ISM2: variants seen among roughly 807,000 people sequenced by gnomAD.
ISM2 encodes the protein isthmin 2, also known as isthmin-2.
In ISM2, 50 loss-of-function variants were observed where a neutral mutation model predicts 58.0. That is an observed-to-expected ratio of 0.86 (90% CI 0.69 to 1.09). ISM2 has a LOEUF of 1.09. ISM2 is among the 50% of genes least tolerant of loss of function. The probability of loss-of-function intolerance (pLI) is 0.00; values close to 1 mark genes in which losing one functional copy is unlikely to be tolerated. For missense variants in ISM2, 723 were observed against 745.0 expected (o/e 0.97, Z 0.34); for synonymous variants, 303 against 312.4 (o/e 0.97, Z 0.32).
intron 3 of ISM2, chr14:77,484,064 G>A (rs2079150371): frequency 2.5e-6 from 1 of 405,136 alleles, no homozygotes; most frequent in Non-Finnish European, 4.4e-6. Flanking sequence ...CTGGGTTGGT[G>A]CTGTTTGTCT....
rs568314200 is a variant in ISM2, at chr14:77,498,305, G to A, written c.141+348C>T. 376 of 1,355,064 alleles carry A rather than the reference G, an allele frequency of 2.8e-4. 1 individual carries two copies. Among genetic ancestry groups the A allele is most frequent in the Non-Finnish European group, 3.5e-4 (364 of 1,031,808 alleles). 83.9% of individuals were successfully genotyped at this position (1,355,064 alleles called of 1,614,324 possible). ...TCGCACCGGCGGGACTCCTCTCCGAGCTAGCGCGCACCTGGAAAGGGGGCT... is the reference window on the plus strand; with the variant it reads ...TCGCACCGGCGGGACTCCTCTCCGAACTAGCGCGCACCTGGAAAGGGGGCT... On this transcript the variant is annotated intron_variant, in intron 1 of 6. Transcript: ENST00000342219.
Position 77,484,540 on chromosome 14 carries a change from G to A in ISM2, c.410C>T (p.Pro137Leu), listed in dbSNP as rs138409143. ...TCGTGCCTCCTCCTCTTCCCTCAGA[G>A]GCCTAGGATCTGGGGAGGCTGAAGC... ...TQASASPDPR[P>L]LREEEEARLL... Residue 137 changes from proline to leucine, a missense_variant, in exon 3 of 7, where the codon CCT becomes CTT. Transcript: ENST00000342219. The A allele has an allele frequency of 2.9e-5, 46 of 1,595,982 alleles. No individual in the cohort carries two copies. In the African/African-American group the frequency reaches 4.8e-4, roughly 16 times the overall value.
Position 77,475,803 on chromosome 14 carries a change from C to T in ISM2, c.1508G>A (p.Arg503His), listed in dbSNP as rs376070722. 2.5e-5 allele frequency: 41 copies of T among 1,612,986 alleles called. No individual in the cohort carries two copies. The East Asian group carries it at 5.8e-4, about 23-fold the overall frequency. ...GTTGGGCATGCCGGCGCCCTTGCCACGGGTCAGCAGCCGGCTGTCCTCGTC... is the reference window on the plus strand; with the variant it reads ...GTTGGGCATGCCGGCGCCCTTGCCATGGGTCAGCAGCCGGCTGTCCTCGTC... ...CYDEDSRLLT[R>H]GKGAGMPNLI... Residue 503 changes from arginine to histidine, a missense_variant, in exon 7 of 7, where the codon CGT (arginine) becomes CAT (histidine). Arg to His is a conservative substitution (Grantham distance 29, BLOSUM62 0). Coordinates refer to ENST00000342219, the MANE Select transcript of ISM2 (RefSeq NM_199296.3). This position sits in a 1 kb window ranked among gnomAD's most constrained non-coding sequence, Gnocchi z 4.1.
rs1194633146 is a variant in ISM2 at position 77,475,693 on chromosome 14, G to A, written c.1618C>T (p.Leu540Phe). 2 of 1,614,114 alleles carry A rather than the reference G, an allele frequency of 1.2e-6. No homozygotes were observed. Among genetic ancestry groups the A allele is most frequent in the Non-Finnish European group, 8.5e-7 (1 of 1,180,024 alleles). ...TTGTTGGGAGGGAGCACAGCGTGGA[G>A]GCGGCTCCAGTCCCCCTTGCACAGG... ...WILCKGDWSR[L>F]HAVLPPNNGR... Residue 540 changes from leucine to phenylalanine, a missense_variant, in exon 7 of 7, where the codon CTC becomes TTC. Coordinates refer to ENST00000342219, the MANE Select transcript of ISM2 (RefSeq NM_199296.3). The surrounding 1 kb of genome is among the most constrained non-coding windows in gnomAD (Gnocchi z 4.1).
Position 77,484,491 on chromosome 14 carries a change from C to T in ISM2, c.459G>A (p.Gln153=). 6.2e-7 allele frequency: 1 copy of T among 1,607,400 alleles called. No homozygotes were observed. Among genetic ancestry groups the T allele is most frequent in the East Asian group, 2.2e-5 (1 of 44,744 alleles). ...AACATCCATGTTGGTGTAGCTCTGC[C>T]TGCAGGTGGGTTCTGGGGAGCAGTC... is the stretch of plus-strand genomic sequence containing the variant. ...EARLLPRTHL[Q]AELHQHGCWT... The change falls in exon 3 of 7, where the codon CAG becomes CAA. Residue 153 remains glutamine, a synonymous_variant. Transcript: ENST00000342219.
chr14:77,482,256 TCACC>T, intron 4 of ISM2, 62 bp downstream of exon 4: 1 of 1,270,396 alleles, frequency 7.9e-7, no homozygotes, highest in Non-Finnish European at 1.1e-6. Context: ...ACCCTCTCCC[TCACC>T]CCCATTTCCA....
intron 1 of ISM2, among the ~76,000 whole-genome samples, chr14:77,488,128 T>C (rs2079179475): frequency 6.6e-6 from 1 of 152,240 alleles, no homozygotes; most frequent in African/African-American, 2.4e-5. Context: ...AGGTAAGTTC[T>C]GTGCAGACAG....
At chr14:77,487,149 G>A (rs568482887) in intron 1 of ISM2, among the ~76,000 whole-genome samples, 1 of 151,942 alleles carries the variant, frequency 6.6e-6, no homozygotes, top group Non-Finnish European at 1.5e-5. Flanking sequence ...GGAGGCTGAG[G>A]CAGGAGAATC....
At position 77,482,660 on chromosome 14, in the gene ISM2, A is replaced by C. The variant is rs1482896654; in HGVS notation, c.635T>G (p.Ile212Ser). The C allele has an allele frequency of 1.3e-6, 2 of 1,543,878 alleles. No homozygotes were observed. The highest frequency in any genetic ancestry group is 3.9e-5 in the Admixed American group (2 of 51,230). Reference protein sequence around the residue: ...STPNPDNQVTIKVVEDPQAEV... With the variant: ...STPNPDNQVTSKVVEDPQAEV... Reference sequence around the variant, plus strand: ...GGCCTGGGGGTCCTCCACCACCTTGATGGTCACCTGCAGGAGACAGGCCAG... The same window carrying C: ...GGCCTGGGGGTCCTCCACCACCTTGCTGGTCACCTGCAGGAGACAGGCCAG... Residue 212 changes from isoleucine to serine, a missense_variant, in exon 4 of 7, where the codon ATC (isoleucine) becomes AGC (serine). Transcript: ENST00000342219.
At chr14:77,487,199 C>T (rs889925374) in intron 1 of ISM2, among the ~76,000 whole-genome samples, 7 of 151,236 alleles carry the variant, frequency 4.6e-5, no homozygotes, top group Admixed American at 3.3e-4. Context: ...GAGCCAAGAT[C>T]GCATCATTGC....
At chr14:77,479,233 A>AT (rs1320452840) in intron 4 of ISM2, among the ~76,000 whole-genome samples, 1 of 151,656 alleles carries the variant, frequency 6.6e-6, no homozygotes, top group Non-Finnish European at 1.5e-5. Context: ...GGCCTGGCTA[A>AT]TTTTTTCTTT....
rs1020080466 is a variant in ISM2 at position 77,474,645 on chromosome 14, T to C, written c.*950A>G. 1 of 152,268 alleles carries C rather than the reference T, an allele frequency of 6.6e-6. No homozygotes were observed. The highest frequency in any genetic ancestry group is 6.5e-5 in the Admixed American group (1 of 15,280). The allele number at this position is 152,268 out of a possible 1,614,324, so 9.4% of individuals were successfully genotyped here. On this transcript the variant is annotated 3_prime_UTR_variant, in exon 7 of 7. Coordinates refer to ENST00000342219, the MANE Select transcript of ISM2 (RefSeq NM_199296.3). ...ACTCTGAGTTCAGTGCATTCAGTGATGCTGGCAGCATGACATGGGACACTG... is the reference window on the plus strand; with the variant it reads ...ACTCTGAGTTCAGTGCATTCAGTGACGCTGGCAGCATGACATGGGACACTG...
chr14:77,478,479 A>G, intron 5 of ISM2, 96 bp downstream of exon 5: 1 of 1,511,020 alleles, frequency 6.6e-7, no homozygotes, highest in Non-Finnish European at 9.1e-7. Context: ...AGCTTCCTGC[A>G]TCCCATCTCC....
rs201663084 is a variant in ISM2 at position 77,484,728 on chromosome 14, C to A, written c.333G>T (p.Lys111Asn). The change falls in exon 2 of 7, where the codon AAG (lysine) becomes AAT (asparagine). Residue 111 changes from lysine (K) to asparagine (N), a missense_variant. Lys to Asn is a moderately conservative substitution (Grantham distance 94). Transcript: ENST00000342219. ...AGGTTGTGTTGGCCAATCCCGGCAGCTTCTGCAGCTCCAGCCGCAACGGAG... is the reference window on the plus strand; with the variant it reads ...AGGTTGTGTTGGCCAATCCCGGCAGATTCTGCAGCTCCAGCCGCAACGGAG... ...EVTPLRLELQ[K>N]LPGLANTTLS... is the part of the protein sequence containing the mutation. 1.2e-5 allele frequency: 20 copies of A among 1,612,550 alleles called. No homozygotes were observed. The African/African-American group carries it at 2.7e-4, about 22-fold the overall frequency.
chr14:77,492,362 G>C (rs556537306), intron 1 of ISM2, among the ~76,000 whole-genome samples: 40 of 152,156 alleles, frequency 2.6e-4, no homozygotes, highest in African/African-American at 9.2e-4. Context: ...TACTGGGCCC[G>C]CTGTCAGTTT....
chr14:77,496,563 C>G (rs1248912793), intron 1 of ISM2, among the ~76,000 whole-genome samples: 1 of 151,190 alleles, frequency 6.6e-6, no homozygotes, highest in Non-Finnish European at 1.5e-5. Flanking sequence ...GCAGGTGGAT[C>G]ATAAGGTCAG....
Position 77,475,609 on chromosome 14 carries a change from C to T in ISM2, c.1702G>A (p.Ala568Thr). The T allele has an allele frequency of 3.2e-6, 5 of 1,580,524 alleles. No homozygotes were observed. The highest frequency in any genetic ancestry group is 1.3e-5 in the African/African-American group (1 of 74,402). ...CAACCCCGTCACTAGTACTCCTTGG[C>T]CTCCTGCAACTGTGCTAGGTACTCC... ...EEEYLAQLQE[A>T]KEY is the part of the protein sequence containing the mutation. Residue 568 changes from alanine to threonine, a missense_variant, in exon 7 of 7, where the codon GCC (alanine) becomes ACC (threonine). Ala to Thr is a moderately conservative substitution (Grantham distance 58). Coordinates refer to ENST00000342219, the MANE Select transcript of ISM2 (RefSeq NM_199296.3). The surrounding 1 kb of genome is among the most constrained non-coding windows in gnomAD (Gnocchi z 4.1).
chr14:77,478,798 T>TGGTGGTG, intron 4 of ISM2, 83 bp from the exon 5 acceptor site: 1 of 1,432,238 alleles, frequency 7.0e-7, no homozygotes, highest in South Asian at 1.2e-5. Context: ...CACCCTTTCC[T>TGGTGGTG]CAGGTGGATG....
intron 1 of ISM2, among the ~76,000 whole-genome samples, chr14:77,486,986 A>C (rs1278007178): frequency 6.6e-6 from 1 of 151,918 alleles, no homozygotes; most frequent in Non-Finnish European, 1.5e-5. Flanking sequence ...TCACGCCTGT[A>C]ATCCTAGCAC....
Sources: allele counts gnomAD v4.1 joint callset (sites outside exome capture counted in the v4.1 genomes callset), GRCh38; gene constraint gnomAD v4.1.1; non-coding constraint Gnocchi (gnomAD v3.1); transcripts MANE v1.5; gene names NCBI Gene and HGNC (gene_info 2026-07-23, HGNC 2026-07-21).